The following TARP variants were observed in gnomAD, a reference collection of about 807,000 sequenced individuals.
At chr7:38,267,161 A>G in the TARP span, among the ~76,000 whole-genome samples, 1 of 151,714 alleles carries the variant, frequency 6.6e-6, no homozygotes, top group Non-Finnish European at 1.5e-5. Context: ...ATGCTGCTTA[A>G]CTGTTTTAAA....
chr7:38,261,870 CAAAAAAAA>C, the TARP span, among the ~76,000 whole-genome samples: 2 of 52,468 alleles, frequency 3.8e-5, no homozygotes, highest in African/African-American at 7.0e-5. Flanking sequence ...AGACTCTGTC[CAAAAAAAA>C]AAAAAAAAGA....
At chr7:38,262,375 G>A in the TARP span, among the ~76,000 whole-genome samples, 1 of 151,648 alleles carries the variant, frequency 6.6e-6, no homozygotes, top group Non-Finnish European at 1.5e-5. Context: ...GTGTAATTAG[G>A]TAGATCTAAT....
chr7:38,267,959 C>T, the TARP span, among the ~76,000 whole-genome samples: 6 of 151,300 alleles, frequency 4.0e-5, no homozygotes, highest in African/African-American at 1.2e-4. Context: ...TAGCTAGATT[C>T]TTTAAGTTTC....
chr7:38,272,485 C>T, the TARP span, among the ~76,000 whole-genome samples: 1 of 139,352 alleles, frequency 7.2e-6, no homozygotes, highest in Non-Finnish European at 1.5e-5. Flanking sequence ...AAAGCCAGAT[C>T]TATTATTGTG....
At chr7:38,265,598 C>T in the TARP span, 1 of 1,611,866 alleles carries the variant, frequency 6.2e-7, no homozygotes, top group South Asian at 1.1e-5. Flanking sequence ...AGGTATGTTC[C>T]AGCCTTCTGG....
At chr7:38,265,905 C>T in the TARP span, among the ~76,000 whole-genome samples, 1 of 151,636 alleles carries the variant, frequency 6.6e-6, no homozygotes, top group Admixed American at 6.6e-5. Context: ...AAAGTCACAG[C>T]TCTCAAATGT....
the TARP span, among the ~76,000 whole-genome samples, chr7:38,266,713 T>TG: frequency 6.6e-6 from 1 of 151,808 alleles, no homozygotes; most frequent in Non-Finnish European, 1.5e-5. Flanking sequence ...GTGTATACCA[T>TG]GAGCAGTCCC....
chr7:38,264,113 A>G, the TARP span, among the ~76,000 whole-genome samples: 1 of 151,948 alleles, frequency 6.6e-6, no homozygotes, highest in Non-Finnish European at 1.5e-5. Flanking sequence ...GCAAGTGTGG[A>G]CCAGATTAGT....
At chr7:38,265,211 G>A in the TARP span, 290 of 693,832 alleles carry the variant, frequency 4.2e-4, no homozygotes, top group Middle Eastern at 1.3e-3. Flanking sequence ...TAGAAAAGTA[G>A]CAGGGCATTT....
chr7:38,270,735 T>A, the TARP span, among the ~76,000 whole-genome samples: 1 of 151,098 alleles, frequency 6.6e-6, no homozygotes, highest in Non-Finnish European at 1.5e-5. Flanking sequence ...TGACCATGTC[T>A]GCTGAGCATC....
the TARP span, among the ~76,000 whole-genome samples, chr7:38,273,246 CTT>C: frequency 4.2e-4 from 60 of 143,020 alleles, no homozygotes; most frequent in East Asian, 7.9e-4. Flanking sequence ...GCTGATTTTA[CTT>C]TTTTTTTTTT....
chr7:38,265,300 A>G, the TARP span: 1 of 1,380,050 alleles, frequency 7.2e-7, no homozygotes, highest in Non-Finnish European at 1.0e-6. Flanking sequence ...AAAATGCAGC[A>G]TTCACTTTCA....
chr7:38,266,254 G>A, the TARP span, among the ~76,000 whole-genome samples: 2 of 151,354 alleles, frequency 1.3e-5, no homozygotes, highest in African/African-American at 4.9e-5. Context: ...CTGATTCTGC[G>A]ATGCACCATA....
the TARP span, among the ~76,000 whole-genome samples, chr7:38,261,871 A>C: frequency 7.6e-6 from 1 of 131,872 alleles, no homozygotes; most frequent in African/African-American, 3.2e-5. Flanking sequence ...GACTCTGTCC[A>C]AAAAAAAAAA....
chr7:38,263,884 C>A, the TARP span, among the ~76,000 whole-genome samples: 15,803 of 151,732 alleles, frequency 0.1, 1,004 homozygotes, highest in South Asian at 0.18. Context: ...CGTTAGTTAT[C>A]AAGTCTGCAT....
At chr7:38,267,979 A>G in the TARP span, among the ~76,000 whole-genome samples, 1 of 151,392 alleles carries the variant, frequency 6.6e-6, no homozygotes, top group African/African-American at 2.4e-5. Context: ...CATTCTTTTC[A>G]GGACAAAATG....
chr7:38,263,900 A>G, the TARP span, among the ~76,000 whole-genome samples: 25,429 of 132,248 alleles, frequency 0.19, no homozygotes, highest in African/African-American at 0.37. Context: ...TGCATGTCCA[A>G]ATATCTTTAA....
chr7:38,260,466 G>A, the TARP span, among the ~76,000 whole-genome samples: 2 of 144,554 alleles, frequency 1.4e-5, no homozygotes, highest in African/African-American at 5.4e-5. Context: ...CTATTAAAAA[G>A]TAAGGTTGCA....
the TARP span, among the ~76,000 whole-genome samples, chr7:38,270,912 C>A: frequency 6.6e-6 from 1 of 151,324 alleles, no homozygotes; most frequent in Non-Finnish European, 1.5e-5. Flanking sequence ...AGTCTTTTTC[C>A]AATCTAGTAA....
Sources: allele counts gnomAD v4.1 joint callset (sites outside exome capture counted in the v4.1 genomes callset), GRCh38; gene constraint gnomAD v4.1.1; transcripts MANE v1.5.